SEPTIN14: variants seen among roughly 807,000 people sequenced by gnomAD.
SEPTIN14 encodes septin-14.
In SEPTIN14, 40 loss-of-function variants were observed where a neutral mutation model predicts 53.6. That is an observed-to-expected ratio of 0.75 (90% CI 0.58 to 0.97). The LOEUF is 0.97. Among genes scored for constraint, SEPTIN14 ranks in the 50% least tolerant of loss-of-function variants. The pLI, the probability that SEPTIN14 is intolerant of heterozygous loss-of-function variation, is 0.00. For synonymous variants in SEPTIN14, 138 were observed against 166.8 expected (o/e 0.83, Z 1.33); for missense variants, 471 against 508.2 (o/e 0.93, Z 0.70).
At chr7:55,801,971 A>G (rs1361224806) in intron 9 of SEPTIN14, among the ~76,000 whole-genome samples, 6 of 152,008 alleles carry the variant, frequency 3.9e-5, no homozygotes, top group South Asian at 2.1e-4. Flanking sequence ...AAAGTCTTCC[A>G]AAGAATGGAA....
intron 2 of SEPTIN14, among the ~76,000 whole-genome samples, chr7:55,857,517 G>GGGAAGGGAAGGGAAA (rs1395788337): frequency 5.4e-5 from 6 of 111,072 alleles, no homozygotes; most frequent in East Asian, 2.8e-4. Context: ...GGGAAGGGAA[G>GGGAAGGGAAGGGAAA]GGAAAGGAAA....
intron 6 of SEPTIN14, among the ~76,000 whole-genome samples, chr7:55,825,917 AC>A (rs1788976597): frequency 6.6e-6 from 1 of 152,228 alleles, no homozygotes; most frequent in Admixed American, 6.5e-5. Flanking sequence ...CCTGGCTAAC[AC>A]AGTGAAACCC....
intron 2 of SEPTIN14, among the ~76,000 whole-genome samples, chr7:55,857,831 C>A (rs534831917): frequency 6.6e-6 from 1 of 151,088 alleles, no homozygotes; most frequent in African/African-American, 2.5e-5. Flanking sequence ...TCGTGATCCG[C>A]CCGCCTCGGC....
intron 2 of SEPTIN14, among the ~76,000 whole-genome samples, chr7:55,848,255 G>A (rs575823930): frequency 2.1e-4 from 32 of 152,056 alleles, no homozygotes; most frequent in Admixed American, 9.2e-4. Context: ...TCCATCACCC[G>A]GGCTCCAGCA....
intron 2 of SEPTIN14, among the ~76,000 whole-genome samples, chr7:55,847,511 A>G (rs767609011): frequency 6.6e-6 from 1 of 152,200 alleles, no homozygotes; most frequent in Non-Finnish European, 1.5e-5. Context: ...TGCCTGCCTT[A>G]GACATGCTCA....
intron 5 of SEPTIN14, among the ~76,000 whole-genome samples, chr7:55,836,995 T>C (rs1054937124): frequency 6.6e-6 from 1 of 151,948 alleles, no homozygotes; most frequent in Non-Finnish European, 1.5e-5. Context: ...CTAATTTAAG[T>C]TGAAGACAGC....
At chr7:55,852,109 T>C (rs1359607763) in intron 2 of SEPTIN14, among the ~76,000 whole-genome samples, 1 of 144,442 alleles carries the variant, frequency 6.9e-6, no homozygotes, top group East Asian at 2.0e-4. Flanking sequence ...GCCACTGCAC[T>C]CCAGCCTGGG....
chr7:55,838,005 T>G (rs998450547), intron 5 of SEPTIN14, among the ~76,000 whole-genome samples: 2 of 152,158 alleles, frequency 1.3e-5, no homozygotes, highest in African/African-American at 4.8e-5. Context: ...CTTTACATAT[T>G]CAAAAATTAA....
Position 55,858,178 on chromosome 7 carries a change from A to T in SEPTIN14, c.54+3765T>A, listed in dbSNP as rs149297865. ...TGCTGAAAGTAGGGAACACAAAGAA[A>T]GCTTGAAGCCCTAGAAGATGTGCAG... On this transcript the variant is annotated intron_variant, in intron 2 of 9. Coordinates refer to ENST00000388975, the MANE Select transcript of SEPTIN14 (RefSeq NM_207366.3). 9.0e-3 allele frequency among the ~76,000 whole-genome samples: 1,365 copies of T among 152,278 alleles called. 10 individuals are homozygous for T. Among genetic ancestry groups the T allele is most frequent in the Non-Finnish European group, 0.014 (923 of 68,020 alleles).
At chr7:55,854,185 C>T (rs1017332433) in intron 2 of SEPTIN14, among the ~76,000 whole-genome samples, 2 of 151,882 alleles carry the variant, frequency 1.3e-5, no homozygotes, top group African/African-American at 2.4e-5. Flanking sequence ...AGTAAAATCA[C>T]CATATGACTG....
At chr7:55,841,450 C>A (rs1307268629) in intron 5 of SEPTIN14, among the ~76,000 whole-genome samples, 1 of 152,022 alleles carries the variant, frequency 6.6e-6, no homozygotes, top group Admixed American at 6.6e-5. Context: ...GATACACAGA[C>A]AAGGCTGGGC....
Position 55,820,185 on chromosome 7 carries a change from G to A in SEPTIN14, c.721-962C>T, listed in dbSNP as rs1788867900. ...TGGCTAATTTTTGTATTGTTTAGTA[G>A]AGACGGAGTTTCACCATGTTGGCCA... On this transcript the variant is annotated intron_variant, in intron 6 of 9. Transcript: ENST00000388975. Among the ~76,000 whole-genome samples, 3 of 152,124 alleles carry A rather than the reference G, an allele frequency of 2.0e-5. 1 individual carries two copies. In the South Asian group the frequency reaches 6.2e-4, roughly 32 times the overall value.
rs1036053323 is a variant in SEPTIN14 at position 55,834,550 on chromosome 7, T to C, written c.595A>G (p.Ile199Val). The change falls in exon 6 of 10, where the codon ATT becomes GTT. Residue 199 changes from isoleucine (I) to valine (V), a missense_variant. Ile to Val is a conservative substitution (Grantham distance 29). Transcript: ENST00000388975. ...IIPLIAKADT[I>V]SKNDLQTFKN... ...AACGTCTGTAAATCATTTTTAGAAATAGTGTCTGCTTTGGCAATCAGTGGT... is the reference window on the plus strand; with the variant it reads ...AACGTCTGTAAATCATTTTTAGAAACAGTGTCTGCTTTGGCAATCAGTGGT... The C allele has an allele frequency of 3.7e-6, 6 of 1,610,696 alleles. No individual in the cohort carries two copies. The highest frequency in any genetic ancestry group is 1.6e-4 in the Middle Eastern group (1 of 6,080).
intron 7 of SEPTIN14, among the ~76,000 whole-genome samples, chr7:55,816,666 G>A (rs1301713189): frequency 6.6e-5 from 10 of 151,758 alleles, no homozygotes; most frequent in Non-Finnish European, 1.3e-4. Flanking sequence ...AATTACCCAG[G>A]CTTGGTGGCG....
intron 5 of SEPTIN14, among the ~76,000 whole-genome samples, chr7:55,841,526 C>A (rs1219951570): frequency 1.3e-5 from 2 of 151,884 alleles, no homozygotes; most frequent in African/African-American, 4.8e-5. Context: ...TCAAGACCAG[C>A]CTGGCCAACA....
intron 9 of SEPTIN14, among the ~76,000 whole-genome samples, chr7:55,803,442 A>G (rs972792964): frequency 6.6e-6 from 1 of 152,234 alleles, no homozygotes; most frequent in Non-Finnish European, 1.5e-5. Context: ...AGTGTTTATA[A>G]GAATAATTTT....
intron 7 of SEPTIN14, 23 bp from the exon 8 acceptor site, chr7:55,807,281 T>A (rs200051023): frequency 2.0e-6 from 3 of 1,477,006 alleles, no homozygotes; most frequent in African/African-American, 1.4e-5. Flanking sequence ...TAATAATGAA[T>A]CAACAACATT....
intron 6 of SEPTIN14, among the ~76,000 whole-genome samples, chr7:55,821,095 C>A (rs1195290905): frequency 6.6e-6 from 1 of 152,186 alleles, no homozygotes; most frequent in Non-Finnish European, 1.5e-5. Context: ...TCGCATCCAA[C>A]CCCCATCTAC....
chr7:55,821,177 C>T (rs931932041), intron 6 of SEPTIN14, among the ~76,000 whole-genome samples: 2 of 152,114 alleles, frequency 1.3e-5, no homozygotes, highest in South Asian at 2.1e-4. Context: ...TCAAGACCTA[C>T]TTGTGAAATA....
Sources: allele counts gnomAD v4.1 joint callset (sites outside exome capture counted in the v4.1 genomes callset), GRCh38; gene constraint gnomAD v4.1.1; transcripts MANE v1.5; gene names NCBI Gene and HGNC (gene_info 2026-07-23, HGNC 2026-07-21).